The following EFHC2 variants were observed in gnomAD, a reference collection of about 807,000 sequenced individuals.
EFHC2 encodes EF-hand domain containing 2.
EFHC2 carries 18 observed loss-of-function variants against 52.7 expected under a neutral mutation model. That is an observed-to-expected ratio of 0.34 (90% confidence interval 0.24 to 0.51). EFHC2 has a LOEUF of 0.51. EFHC2 is among the 20% of genes least tolerant of loss of function. The pLI is 0.97. For missense variants in EFHC2, 513 were observed against 562.5 expected, an observed-to-expected ratio of 0.91 and a Z score of 0.89; for synonymous variants, 203 against 204.1, an observed-to-expected ratio of 0.99 and a Z score of 0.04.
intron 11 of EFHC2, among the ~76,000 whole-genome samples, chrX:44,179,889 T>G (rs924353492): frequency 3.6e-5 from 4 of 112,434 alleles, no homozygotes; most frequent in Admixed American, 1.9e-4. Context: ...TTAAATAAAC[T>G]GAGTAATAGC....
chrX:44,316,751 T>C (rs1334292695), intron 1 of EFHC2, among the ~76,000 whole-genome samples: 1 of 111,886 alleles, frequency 8.9e-6, no homozygotes, highest in Non-Finnish European at 1.9e-5. Context: ...GGGTCTATTA[T>C]ATAGAATATA....
intron 13 of EFHC2, among the ~76,000 whole-genome samples, chrX:44,167,521 G>A (rs1376264440): frequency 1.8e-5 from 2 of 112,374 alleles, no homozygotes; most frequent in Admixed American, 9.4e-5. Flanking sequence ...ATCCATTTAG[G>A]GGGACATTTA....
At chrX:44,214,624 G>A (rs188849272) in intron 11 of EFHC2, among the ~76,000 whole-genome samples, 3 of 112,092 alleles carry the variant, frequency 2.7e-5, no homozygotes, top group South Asian at 7.4e-4. Flanking sequence ...GAAGCTCTTC[G>A]AAGAGAAAGG....
chrX:44,173,349 C>CA (rs1168722426), intron 13 of EFHC2, among the ~76,000 whole-genome samples: 1 of 111,767 alleles, frequency 8.9e-6, no homozygotes, highest in Non-Finnish European at 1.9e-5. Context: ...CTTAGCGTGC[C>CA]ATAAGGAGGG....
chrX:44,218,741 T>C (rs2037170746), intron 11 of EFHC2, among the ~76,000 whole-genome samples: 1 of 112,409 alleles, frequency 8.9e-6, no homozygotes, highest in Non-Finnish European at 1.9e-5. Context: ...GACTTGGAAA[T>C]GTAAACTGAT....
At chrX:44,301,090 ATAG>A (rs1477612283) in intron 2 of EFHC2, among the ~76,000 whole-genome samples, 1 of 100,569 alleles carries the variant, frequency 9.9e-6, no homozygotes, top group East Asian at 3.3e-4. Flanking sequence ...AGCATGGGTG[ATAG>A]AGTGAGACTC....
intron 11 of EFHC2, among the ~76,000 whole-genome samples, chrX:44,228,175 GC>G (rs1265462431): frequency 7.2e-5 from 8 of 111,550 alleles, no homozygotes; most frequent in Non-Finnish European, 1.1e-4. Flanking sequence ...TTTAGAGCAT[GC>G]AGCTCCTTGA....
At position 44,151,775 on chromosome X, in the gene EFHC2, A is replaced by G. The variant is rs1419784164; in HGVS notation, c.2149-2879T>C. On this transcript the variant is annotated intron_variant, in intron 14 of 14. Coordinates refer to ENST00000420999, the MANE Select transcript of EFHC2 (RefSeq NM_025184.4). ...TGTTATATCATAAGGAAAGCAGGAA[A>G]AGTTGAAAAACATTTTTTAGTAGGA... 3.6e-5 allele frequency among the ~76,000 whole-genome samples: 4 copies of G among 111,998 alleles called. No homozygotes were observed. The Admixed American group carries it at 3.8e-4, about 11-fold the overall frequency.
intron 12 of EFHC2, among the ~76,000 whole-genome samples, chrX:44,177,576 G>A (rs2036796780): frequency 8.9e-6 from 1 of 111,950 alleles, no homozygotes; most frequent in South Asian, 3.7e-4. Flanking sequence ...TAAGTTGTTT[G>A]CATCCAGTTG....
At chrX:44,261,333 T>C in intron 3 of EFHC2, 35 bp from the exon 4 acceptor site, 1 of 1,100,560 alleles carries the variant, frequency 9.1e-7, no homozygotes, top group South Asian at 2.2e-5. Flanking sequence ...TGTTTTATCA[T>C]GTGGCTAACA....
chrX:44,192,020 C>T (rs1220161629), intron 11 of EFHC2, among the ~76,000 whole-genome samples: 1 of 108,843 alleles, frequency 9.2e-6, no homozygotes, highest in East Asian at 2.9e-4. Flanking sequence ...ATGTCATTCA[C>T]CTCTTTGAAA....
intron 1 of EFHC2, among the ~76,000 whole-genome samples, chrX:44,313,869 C>T (rs1157893933): frequency 8.1e-5 from 9 of 111,153 alleles, no homozygotes; most frequent in South Asian, 3.8e-4. Flanking sequence ...ACAGGAGAAT[C>T]GTTTGAACCT....
chrX:44,182,075 C>T (rs756645549), intron 11 of EFHC2, among the ~76,000 whole-genome samples: 1 of 111,634 alleles, frequency 9.0e-6, no homozygotes, highest in Non-Finnish European at 1.9e-5. Context: ...AGCAACCACG[C>T]CTCTTTCCTC....
chrX:44,320,603 C>G (rs1046533894), intron 1 of EFHC2, among the ~76,000 whole-genome samples: 1 of 111,250 alleles, frequency 9.0e-6, no homozygotes, highest in Non-Finnish European at 1.9e-5. Flanking sequence ...CAGTGATCAA[C>G]AGCATTAGCC....
chrX:44,212,641 A>G (rs2037108901), intron 11 of EFHC2, among the ~76,000 whole-genome samples: 1 of 111,425 alleles, frequency 9.0e-6, no homozygotes, highest in Non-Finnish European at 1.9e-5. Flanking sequence ...GGACTAGAGA[A>G]TATTTCCCTG....
chrX:44,158,387 C>T (rs1003217824), intron 14 of EFHC2, among the ~76,000 whole-genome samples: 1 of 111,318 alleles, frequency 9.0e-6, no homozygotes, highest in African/African-American at 3.3e-5. Flanking sequence ...CTTCATAACA[C>T]CTCTGAAACT....
chrX:44,320,688 C>G (rs931608167), intron 1 of EFHC2, among the ~76,000 whole-genome samples: 2 of 110,465 alleles, frequency 1.8e-5, no homozygotes, highest in Admixed American at 9.7e-5. Flanking sequence ...GAAGAAAAGC[C>G]TCCTTCAGTG....
chrX:44,176,438 T>A, intron 12 of EFHC2, 54 bp from the exon 13 acceptor site: 1 of 820,993 alleles, frequency 1.2e-6, no homozygotes, highest in Non-Finnish European at 1.7e-6. Context: ...CCTTTAGTAA[T>A]AATTACATAC....
intron 11 of EFHC2, among the ~76,000 whole-genome samples, chrX:44,209,802 G>A (rs969852014): frequency 9.2e-6 from 1 of 108,960 alleles, no homozygotes; most frequent in Admixed American, 9.9e-5. Flanking sequence ...CATTACTGCC[G>A]GAGCTCTGCC....
Sources: allele counts gnomAD v4.1 joint callset (sites outside exome capture counted in the v4.1 genomes callset), GRCh38; gene constraint gnomAD v4.1.1; transcripts MANE v1.5; gene names NCBI Gene and HGNC (gene_info 2026-07-23, HGNC 2026-07-21).